Variants in STK24 observed in about 807,000 individuals in gnomAD.
STK24 encodes serine/threonine-protein kinase 24.
Under a neutral mutation model 55.6 loss-of-function variants are expected in STK24, and 21 were observed. The ratio of observed to expected loss-of-function variants is 0.38; its 90% CI spans 0.27 to 0.54. The LOEUF (loss-of-function observed/expected upper bound fraction) is 0.54. Ranked by LOEUF, STK24 falls within the 20% of genes least tolerant of loss-of-function variation. The probability of loss-of-function intolerance (pLI) is 0.79; values close to 1 mark genes in which losing one functional copy is unlikely to be tolerated. For missense variants in STK24, 383 were observed against 538.4 expected (o/e 0.71, Z 2.86); for synonymous variants, 200 against 215.2 (o/e 0.93, Z 0.62).
chr13:98,458,079 G>A (rs1177392915), intron 9 of STK24, among the ~76,000 whole-genome samples: 1 of 152,216 alleles, frequency 6.6e-6, no homozygotes, highest in African/African-American at 2.4e-5. Context: ...ATCCAGAGTA[G>A]AGTCAAAATA....
chr13:98,521,161 TC>T (rs1896247495), intron 1 of STK24, among the ~76,000 whole-genome samples: 1 of 152,142 alleles, frequency 6.6e-6, no homozygotes, highest in African/African-American at 2.4e-5. Flanking sequence ...CCCCCTTGGC[TC>T]CTAAAACGCT....
At chr13:98,500,011 C>T (rs143208756) in intron 2 of STK24, among the ~76,000 whole-genome samples, 40 of 152,298 alleles carry the variant, frequency 2.6e-4, no homozygotes, top group African/African-American at 9.4e-4. Context: ...CTGTGATGTG[C>T]GTGCTAGTGT....
rs1401377074 is a variant in STK24, at chr13:98,445,237, C to CAACTT, written c.*7931_*7935dup. On this transcript the variant is annotated 3_prime_UTR_variant, in exon 11 of 11. Coordinates refer to ENST00000539966, the MANE Select transcript of STK24 (RefSeq NM_001032296.4). ...AAAATAGCTATACCACAATATTGGC[C>CAACTT]AACTTAACGATTTTTACGGGAACAA... 1.3e-5 allele frequency: 2 copies of CAACTT among 152,260 alleles called. No individual in the cohort carries two copies. The highest frequency in any genetic ancestry group is 2.9e-5 in the Non-Finnish European group (2 of 68,062). 9.4% of individuals were successfully genotyped at this position (152,260 alleles called of 1,614,324 possible). A position where few individuals can be genotyped will look rare whatever the true frequency, so the allele number is the denominator to read the frequency against.
intron 1 of STK24, among the ~76,000 whole-genome samples, chr13:98,568,480 G>C (rs1292540208): frequency 6.6e-6 from 1 of 152,126 alleles, no homozygotes; most frequent in African/African-American, 2.4e-5. Context: ...AGGAAATGAT[G>C]AAAATATATT....
At chr13:98,476,511 A>G (rs1002038976) in intron 3 of STK24, among the ~76,000 whole-genome samples, 2 of 152,204 alleles carry the variant, frequency 1.3e-5, no homozygotes, top group Non-Finnish European at 2.9e-5. Context: ...TTAAAAAGAT[A>G]AGAAATGTGC....
intron 2 of STK24, among the ~76,000 whole-genome samples, chr13:98,490,334 T>G (rs1476009900): frequency 6.6e-6 from 1 of 152,154 alleles, no homozygotes; most frequent in East Asian, 1.9e-4. Flanking sequence ...ACAAGTGAAC[T>G]ATTGCCAAAT....
At chr13:98,539,044 C>A (rs772087341) in intron 1 of STK24, among the ~76,000 whole-genome samples, 1 of 152,216 alleles carries the variant, frequency 6.6e-6, no homozygotes, top group Non-Finnish European at 1.5e-5. Flanking sequence ...ACTCCCCAGA[C>A]CTGACATCCA....
intron 1 of STK24, among the ~76,000 whole-genome samples, chr13:98,572,936 T>C (rs999807846): frequency 2.6e-5 from 4 of 152,180 alleles, no homozygotes; most frequent in Non-Finnish European, 5.9e-5. Context: ...TTTTTAAATA[T>C]ACCACAACAG....
chr13:98,535,586 T>G (rs563329159), intron 1 of STK24, among the ~76,000 whole-genome samples: 2 of 151,950 alleles, frequency 1.3e-5, no homozygotes, highest in Admixed American at 6.6e-5. Flanking sequence ...CTGCTGAAGC[T>G]CCTCCCACGG....
At chr13:98,518,668 T>C (rs1896153724) in intron 2 of STK24, among the ~76,000 whole-genome samples, 1 of 152,236 alleles carries the variant, frequency 6.6e-6, no homozygotes, top group Admixed American at 6.5e-5. Context: ...TTTTTAATAC[T>C]ATTCTTTCCC....
intron 10 of STK24, chr13:98,455,532 C>T (rs1184165116): frequency 3.3e-5 from 5 of 152,336 alleles, no homozygotes; most frequent in African/African-American, 1.2e-4. Context: ...TGAGCCACCA[C>T]ATCCAGCAGA....
intron 1 of STK24, among the ~76,000 whole-genome samples, chr13:98,526,022 G>A (rs6491430): frequency 0.58 from 88,315 of 152,088 alleles, 26,370 homozygotes; most frequent in African/African-American, 0.69. Context: ...CTTTGGTTGG[G>A]TAAGTCAGGG....
At chr13:98,576,264 C>G (rs967596240) in intron 1 of STK24, 1 of 970,796 alleles carries the variant, frequency 1.0e-6, no homozygotes, top group South Asian at 4.7e-5. Context: ...GCGCGCTCCC[C>G]GTCCCCGCCC....
intron 1 of STK24, among the ~76,000 whole-genome samples, chr13:98,531,779 T>A (rs1896585552): frequency 6.6e-6 from 1 of 152,116 alleles, no homozygotes; most frequent in African/African-American, 2.4e-5. Context: ...TGGCTAGACA[T>A]CACTAACTAC....
chr13:98,514,956 G>T (rs966301487), intron 2 of STK24, among the ~76,000 whole-genome samples: 1 of 151,888 alleles, frequency 6.6e-6, no homozygotes. Context: ...GTATATCTGC[G>T]TTTCCTCAAG....
At chr13:98,515,658 C>G (rs746773327) in intron 2 of STK24, among the ~76,000 whole-genome samples, 12 of 152,138 alleles carry the variant, frequency 7.9e-5, no homozygotes, top group Admixed American at 2.6e-4. Context: ...CACCACTCAC[C>G]AGATCCTTAG....
intron 2 of STK24, among the ~76,000 whole-genome samples, chr13:98,494,729 A>G (rs1413611777): frequency 6.6e-6 from 1 of 152,138 alleles, no homozygotes; most frequent in Non-Finnish European, 1.5e-5. Context: ...AGGAACTGTC[A>G]GTTATGTAAA....
At chr13:98,566,949 G>A (rs562062645) in intron 1 of STK24, among the ~76,000 whole-genome samples, 101 of 152,282 alleles carry the variant, frequency 6.6e-4, no homozygotes, top group South Asian at 6.0e-3. Flanking sequence ...CATTGAACAC[G>A]CTTCCAAAGT....
At chr13:98,550,444 G>A (rs991074539) in intron 1 of STK24, among the ~76,000 whole-genome samples, 35 of 152,160 alleles carry the variant, frequency 2.3e-4, no homozygotes, top group African/African-American at 7.2e-4. Flanking sequence ...CAGGAGGATC[G>A]CCTGCGCCTG....
Sources: gnomAD v4.1 joint callset for allele counts (sites outside exome capture counted in the v4.1 genomes callset) on GRCh38, gnomAD v4.1.1 for gene constraint, MANE v1.5 for transcripts, NCBI Gene and HGNC (gene_info 2026-07-23, HGNC 2026-07-21) for gene names.